The following MAP1B variants were observed in gnomAD, a reference collection of about 807,000 sequenced individuals.
MAP1B encodes microtubule-associated protein 1B.
In MAP1B, 12 loss-of-function variants were observed where a neutral mutation model predicts 176.1. The observed-to-expected ratio is 0.07, with a 90% CI of 0.04 to 0.11. The LOEUF (loss-of-function observed/expected upper bound fraction) is 0.11, where lower values mean the gene tolerates loss of function less well. Ranked by LOEUF, MAP1B falls within the 10% of genes least tolerant of loss-of-function variation. The probability of loss-of-function intolerance (pLI) is 1.00; values close to 1 mark genes in which losing one functional copy is unlikely to be tolerated. For missense variants in MAP1B, 2,523 were observed against 2,990.5 expected, an observed-to-expected ratio of 0.84 and a Z score of 3.65; for synonymous variants, 1,044 against 1,135.0, an observed-to-expected ratio of 0.92 and a Z score of 1.61.
In MAP1B at chr5:72,199,146, A is replaced by C. The variant is rs750382111; in HGVS notation, c.5791A>C (p.Lys1931Gln). ...CTATGAGACCATTGGGAAAACTACC[A>C]AGACCCCTGAAGATGGTGACTATTC... ...YSYETIGKTTKTPEDGDYSYE... is the reference protein window; with the variant it reads ...YSYETIGKTTQTPEDGDYSYE... Residue 1931 changes from lysine to glutamine, a missense_variant, in exon 5 of 7, where the codon AAG becomes CAG. Physicochemically the swap from Lys to Gln is moderately conservative, Grantham distance 53. Transcript: ENST00000296755. The surrounding 1 kb of genome is among the most constrained non-coding windows in gnomAD (Gnocchi z 4.2). 41 of 1,614,016 alleles carry C rather than the reference A, an allele frequency of 2.5e-5. No individual in the cohort carries two copies. The highest frequency in any genetic ancestry group is 3.5e-5 in the Non-Finnish European group (41 of 1,180,028).
chr5:72,167,517 G>C (rs934408005), intron 2 of MAP1B, among the ~76,000 whole-genome samples: 3 of 152,168 alleles, frequency 2.0e-5, no homozygotes, highest in Non-Finnish European at 4.4e-5. Flanking sequence ...TCATCCATCT[G>C]TAAGAAAACT....
chr5:72,176,039 TAC>T (rs1274119445), intron 2 of MAP1B, among the ~76,000 whole-genome samples: 1 of 152,186 alleles, frequency 6.6e-6, no homozygotes, highest in Admixed American at 6.5e-5. Context: ...ATGAAACAGA[TAC>T]ATAAACAAAA....
At chr5:72,189,726 A>C (rs1746985087) in intron 4 of MAP1B, among the ~76,000 whole-genome samples, 1 of 152,128 alleles carries the variant, frequency 6.6e-6, no homozygotes, top group African/African-American at 2.4e-5. Flanking sequence ...AAAACATTAA[A>C]AAAATAAAAT....
At chr5:72,152,865 G>A (rs1342188867) in intron 2 of MAP1B, among the ~76,000 whole-genome samples, 4 of 152,186 alleles carry the variant, frequency 2.6e-5, no homozygotes, top group Non-Finnish European at 4.4e-5. Context: ...TGGCTGCAGC[G>A]TGGGCCCCAG....
chr5:72,179,437 A>G (rs1746720163), intron 2 of MAP1B, among the ~76,000 whole-genome samples: 1 of 152,202 alleles, frequency 6.6e-6, no homozygotes, highest in Non-Finnish European at 1.5e-5. Context: ...TGAGACCTTT[A>G]CAAGCCAGGG....
At chr5:72,174,737 C>T (rs897280731) in intron 2 of MAP1B, among the ~76,000 whole-genome samples, 2 of 152,238 alleles carry the variant, frequency 1.3e-5, no homozygotes. Context: ...CAGATCCCAC[C>T]TTGTCTCAGC....
At chr5:72,165,267 C>T (rs35892901) in intron 2 of MAP1B, among the ~76,000 whole-genome samples, 60,551 of 151,904 alleles carry the variant, frequency 0.4, 12,776 homozygotes, top group South Asian at 0.64. Flanking sequence ...TATTTTTGCT[C>T]CTCTGCCCCT....
intron 2 of MAP1B, among the ~76,000 whole-genome samples, chr5:72,157,908 T>C (rs1395476909): frequency 1.3e-5 from 2 of 152,020 alleles, no homozygotes; most frequent in African/African-American, 4.8e-5. Flanking sequence ...GGCACGATCT[T>C]GGCTCACTGC....
intron 2 of MAP1B, among the ~76,000 whole-genome samples, chr5:72,158,937 C>A (rs1251813295): frequency 6.6e-6 from 1 of 152,184 alleles, no homozygotes. Flanking sequence ...TATAGCAACA[C>A]CCATTTCTTG....
intron 1 of MAP1B, among the ~76,000 whole-genome samples, chr5:72,113,784 G>C (rs1745384488): frequency 6.6e-6 from 1 of 152,160 alleles, no homozygotes; most frequent in African/African-American, 2.4e-5. Flanking sequence ...GCTCAGACAG[G>C]AACTCGATTT....
At position 72,198,188 on chromosome 5, in the gene MAP1B, A is replaced by G. The variant is rs1276284901; in HGVS notation, c.4833A>G (p.Glu1611=). ...FQETEMSPSK[E]ECPRPMSISP... ...AAACAGAAATGTCTCCATCTAAAGAAGAATGCCCAAGACCGATGTCAATTT... is the reference window on the plus strand; with the variant it reads ...AAACAGAAATGTCTCCATCTAAAGAGGAATGCCCAAGACCGATGTCAATTT... The change falls in exon 5 of 7, where the codon GAA becomes GAG. Residue 1611 remains glutamate, a synonymous_variant. Coordinates refer to ENST00000296755, the MANE Select transcript of MAP1B (RefSeq NM_005909.5). The G allele has an allele frequency of 1.9e-6, 3 of 1,614,234 alleles. No homozygotes were observed. Among genetic ancestry groups the G allele is most frequent in the South Asian group, 2.2e-5 (2 of 91,084 alleles).
intron 2 of MAP1B, among the ~76,000 whole-genome samples, chr5:72,146,194 A>G (rs1198446915): frequency 1.3e-5 from 2 of 152,226 alleles, no homozygotes; most frequent in Non-Finnish European, 1.5e-5. Context: ...CCAGCCCAGC[A>G]TGACACCAGA....
At chr5:72,170,596 C>T (rs1157177657) in intron 2 of MAP1B, among the ~76,000 whole-genome samples, 1 of 151,832 alleles carries the variant, frequency 6.6e-6, no homozygotes, top group Non-Finnish European at 1.5e-5. Context: ...TCAGTATCCC[C>T]TGTGGCAGAG....
rs1376240967 is a variant in MAP1B, at chr5:72,209,562, A to T, written c.*4323A>T. 1 of 151,748 alleles carries T rather than the reference A, an allele frequency of 6.6e-6. No homozygotes were observed. Among genetic ancestry groups the T allele is most frequent in the African/African-American group, 2.4e-5 (1 of 41,322 alleles). 9.4% of individuals were successfully genotyped at this position (151,748 alleles called of 1,614,324 possible). A position where few individuals can be genotyped will look rare whatever the true frequency, so the allele number is the denominator to read the frequency against. On this transcript the variant is annotated 3_prime_UTR_variant, in exon 7 of 7. Coordinates refer to ENST00000296755, the MANE Select transcript of MAP1B (RefSeq NM_005909.5). ...TTCCACAATAAAATACAAAAGTGGC[A>T]AAAGTTCATGTGTGTGCTGTGCTGT... is the stretch of plus-strand genomic sequence containing the variant.
intron 5 of MAP1B, among the ~76,000 whole-genome samples, chr5:72,200,791 G>A (rs1016329538): frequency 2.0e-5 from 3 of 151,944 alleles, no homozygotes; most frequent in Admixed American, 1.3e-4. Flanking sequence ...CATCAAGACT[G>A]GATCAACCAG....
intron 1 of MAP1B, among the ~76,000 whole-genome samples, chr5:72,110,285 A>G (rs1745303771): frequency 6.6e-6 from 1 of 152,170 alleles, no homozygotes; most frequent in South Asian, 2.1e-4. Context: ...AGGTTTTTGC[A>G]TGGAACTCCG....
intron 2 of MAP1B, among the ~76,000 whole-genome samples, chr5:72,165,182 A>G (rs1426817741): frequency 2.0e-5 from 3 of 152,124 alleles, no homozygotes; most frequent in African/African-American, 7.2e-5. Flanking sequence ...ATAGTCACCC[A>G]ATTTGCTTTT....
rs184060610 is a variant in MAP1B at position 72,133,732 on chromosome 5, C to G, written c.286+17933C>G. Among the ~76,000 whole-genome samples, 4 of 152,318 alleles carry G rather than the reference C, an allele frequency of 2.6e-5. No homozygotes were observed. The East Asian group carries it at 7.7e-4, about 29-fold the overall frequency. ...TCTTAATAATGATTAATGCTTTTAA[C>G]TTGCCATTCAAGGAAATGAATAAGA... On this transcript the variant is annotated intron_variant, in intron 2 of 6. Coordinates refer to ENST00000296755, the MANE Select transcript of MAP1B (RefSeq NM_005909.5).
chr5:72,116,942 C>T (rs1173035525), intron 2 of MAP1B, among the ~76,000 whole-genome samples: 1 of 152,048 alleles, frequency 6.6e-6, no homozygotes, highest in Non-Finnish European at 1.5e-5. Flanking sequence ...CATTTGGCTG[C>T]AGTAATATGC....
Sources: allele counts gnomAD v4.1 joint callset (sites outside exome capture counted in the v4.1 genomes callset), GRCh38; gene constraint gnomAD v4.1.1; non-coding constraint Gnocchi (gnomAD v3.1); transcripts MANE v1.5; gene names NCBI Gene and HGNC (gene_info 2026-07-23, HGNC 2026-07-21).